RFX3: variants seen among roughly 807,000 people sequenced by gnomAD.
The protein encoded by RFX3 is regulatory factor X3, also known as transcription factor RFX3.
RFX3 carries 14 observed loss-of-function variants against 98.6 expected under a neutral mutation model. The observed-to-expected ratio is 0.14, with a 90% CI of 0.09 to 0.22. The LOEUF is 0.22. RFX3 is among the 10% of genes least tolerant of loss of function. The probability of loss-of-function intolerance (pLI) is 1.00; values close to 1 mark genes in which losing one functional copy is unlikely to be tolerated. For missense variants in RFX3, 639 were observed against 926.9 expected (o/e 0.69, Z 4.03); for synonymous variants, 383 against 328.4 (o/e 1.17, Z -1.80).
Position 3,263,004 on chromosome 9 carries a change from C to A in RFX3, c.1536G>T (p.Val512=). Residue 512 remains valine (V), a synonymous_variant, in exon 13 of 17, where the codon GTG becomes GTT. Transcript: ENST00000617270. ...LNHLAQAARA[V]LQNTSQINQM... ...GGTTGATTTGGGAAGTGTTCTGAAG[C>A]ACTGCACGAGCTGCCTGGGCCAGGT... 10 of 1,613,882 alleles carry A rather than the reference C, an allele frequency of 6.2e-6. No individual in the cohort carries two copies. The highest frequency in any genetic ancestry group is 8.5e-6 in the Non-Finnish European group (10 of 1,179,810).
intron 1 of RFX3, among the ~76,000 whole-genome samples, chr9:3,477,419 A>C (rs1849369871): frequency 6.6e-6 from 1 of 152,052 alleles, no homozygotes; most frequent in Non-Finnish European, 1.5e-5. Context: ...AAACGTCTTA[A>C]TTTCACTTTC....
chr9:3,470,757 G>C (rs952264973), intron 1 of RFX3, among the ~76,000 whole-genome samples: 1 of 152,132 alleles, frequency 6.6e-6, no homozygotes, highest in Non-Finnish European at 1.5e-5. Context: ...GATGATGCTG[G>C]TGAGATGTTA....
chr9:3,524,952 C>T (rs1167572053), intron 1 of RFX3, among the ~76,000 whole-genome samples: 1 of 150,060 alleles, frequency 6.7e-6, no homozygotes, highest in Non-Finnish European at 1.5e-5. Context: ...GCCCAACGAA[C>T]AGGCCCCAGG....
chr9:3,275,725 G>A, intron 8 of RFX3, 113 bp from the exon 9 acceptor site: 2 of 562,222 alleles, frequency 3.6e-6, no homozygotes, highest in Non-Finnish European at 3.2e-6. Flanking sequence ...AAGGTCAGGG[G>A]TCCAGAGAGC....
rs534801506 is a variant in RFX3, at chr9:3,521,872, G to C, written c.-9+3875C>G. On this transcript the variant is annotated intron_variant, in intron 1 of 16. Transcript: ENST00000617270. ...TGGCCTTGGGGTTTGACTTGGGTGT[G>C]TAAAATGTTCCTGTGTACTTTTTCT... 4.6e-5 allele frequency among the ~76,000 whole-genome samples: 7 copies of C among 152,198 alleles called. No homozygotes were observed. The East Asian group carries it at 1.4e-3, about 29-fold the overall frequency.
chr9:3,425,090 T>C (rs1843881758), intron 1 of RFX3, among the ~76,000 whole-genome samples: 1 of 152,058 alleles, frequency 6.6e-6, no homozygotes, highest in Non-Finnish European at 1.5e-5. Context: ...TTTTAAAACT[T>C]AGCCAGGCAT....
chr9:3,283,675 T>C (rs1826210122), intron 7 of RFX3, among the ~76,000 whole-genome samples: 1 of 151,800 alleles, frequency 6.6e-6, no homozygotes, highest in East Asian at 1.9e-4. Flanking sequence ...CCTCTTCTTC[T>C]CTCTTCTTAA....
intron 2 of RFX3, among the ~76,000 whole-genome samples, chr9:3,378,995 C>T (rs1587412477): frequency 1.3e-5 from 2 of 152,274 alleles, no homozygotes; most frequent in Admixed American, 1.3e-4. Context: ...ACATATTCAA[C>T]ACTAAACATG....
At chr9:3,306,692 T>A (rs939370692) in intron 4 of RFX3, among the ~76,000 whole-genome samples, 4 of 151,494 alleles carry the variant, frequency 2.6e-5, no homozygotes, top group Admixed American at 6.6e-5. Flanking sequence ...ATGGCACATG[T>A]ATACATATGT....
chr9:3,294,489 G>C (rs1827764841), intron 5 of RFX3, among the ~76,000 whole-genome samples: 1 of 151,782 alleles, frequency 6.6e-6, no homozygotes, highest in Non-Finnish European at 1.5e-5. Context: ...TTGTCCTCTA[G>C]GAATTTCCAA....
At chr9:3,514,131 T>C (rs574242208) in intron 1 of RFX3, among the ~76,000 whole-genome samples, 8 of 152,260 alleles carry the variant, frequency 5.3e-5, no homozygotes, top group Non-Finnish European at 7.4e-5. Flanking sequence ...CTATTAAAAA[T>C]TGCTCACAAA....
At chr9:3,377,155 T>G (rs1450432228) in intron 2 of RFX3, among the ~76,000 whole-genome samples, 4 of 152,212 alleles carry the variant, frequency 2.6e-5, no homozygotes, top group Middle Eastern at 3.2e-3. Context: ...GTATGTTTAT[T>G]GCAGCACTAT....
At chr9:3,317,924 G>A in intron 4 of RFX3, among the ~76,000 whole-genome samples, 1 of 152,148 alleles carries the variant, frequency 6.6e-6, no homozygotes, top group South Asian at 2.1e-4. Context: ...ACTGTTGGTG[G>A]GACTGTAAGC....
At chr9:3,412,018 T>C (rs1842504848) in intron 1 of RFX3, among the ~76,000 whole-genome samples, 1 of 152,158 alleles carries the variant, frequency 6.6e-6, no homozygotes, top group African/African-American at 2.4e-5. Flanking sequence ...TTTTAAACAT[T>C]ATGGGCATCA....
intron 1 of RFX3, among the ~76,000 whole-genome samples, chr9:3,429,103 A>C (rs966839158): frequency 3.3e-5 from 5 of 150,696 alleles, no homozygotes; most frequent in Non-Finnish European, 7.4e-5. Context: ...GCTCACTGCA[A>C]GCTCCGCCTC....
At chr9:3,512,508 C>T (rs1202795091) in intron 1 of RFX3, among the ~76,000 whole-genome samples, 1 of 151,812 alleles carries the variant, frequency 6.6e-6, no homozygotes, top group Non-Finnish European at 1.5e-5. Flanking sequence ...ACTGGATATG[C>T]TAATTTTGTG....
chr9:3,439,610 T>C lies in RFX3; in HGVS notation c.-8-44014A>G, dbSNP rs750163920. 2.6e-5 allele frequency among the ~76,000 whole-genome samples: 4 copies of C among 151,910 alleles called. No individual in the cohort carries two copies. In the South Asian group the frequency reaches 8.3e-4, roughly 31 times the overall value. Reference sequence around the variant, plus strand: ...CTAAGCTCACTCAAGAAGAAACAAATAATGTGATATATGTATTAAAGAAAT... The same window carrying C: ...CTAAGCTCACTCAAGAAGAAACAAACAATGTGATATATGTATTAAAGAAAT... On this transcript the variant is annotated intron_variant, in intron 1 of 16. Coordinates refer to ENST00000617270, the MANE Select transcript of RFX3 (RefSeq NM_001282116.2).
intron 15 of RFX3, among the ~76,000 whole-genome samples, chr9:3,235,885 C>T (rs1819085794): frequency 6.6e-6 from 1 of 152,180 alleles, no homozygotes; most frequent in African/African-American, 2.4e-5. Context: ...CCACTTATAA[C>T]TTAATATATT....
chr9:3,443,619 G>A (rs1042263901), intron 1 of RFX3, among the ~76,000 whole-genome samples: 2 of 152,124 alleles, frequency 1.3e-5, no homozygotes, highest in East Asian at 1.9e-4. Flanking sequence ...TGGGCATTTG[G>A]GTTGATTCCA....
Sources: gnomAD v4.1 joint callset for allele counts (sites outside exome capture counted in the v4.1 genomes callset) on GRCh38, gnomAD v4.1.1 for gene constraint, MANE v1.5 for transcripts, NCBI Gene and HGNC (gene_info 2026-07-23, HGNC 2026-07-21) for gene names.